PTPRG: variants seen among roughly 807,000 people sequenced by gnomAD.
PTPRG encodes protein tyrosine phosphatase receptor type G.
PTPRG carries 102 observed loss-of-function variants against 165.3 expected under a neutral mutation model. That is an observed-to-expected ratio of 0.62 (90% CI 0.53 to 0.73). The LOEUF (loss-of-function observed/expected upper bound fraction) is 0.73. Ranked by LOEUF, PTPRG falls within the 30% of genes least tolerant of loss-of-function variation. The probability of loss-of-function intolerance (pLI) is 0.00; values close to 1 mark genes in which losing one functional copy is unlikely to be tolerated. For synonymous variants in PTPRG, 675 were observed against 669.5 expected (o/e 1.01, Z -0.13); for missense variants, 1,866 against 1,861.4 (o/e 1.00, Z -0.05).
intron 5 of PTPRG, among the ~76,000 whole-genome samples, chr3:62,112,679 A>C (rs551156783): frequency 3.9e-5 from 6 of 152,334 alleles, no homozygotes; most frequent in Non-Finnish European, 7.4e-5. Context: ...CAGGGACTGC[A>C]GTCATTTTTG....
At chr3:61,738,808 C>T (rs1457319077) in intron 1 of PTPRG, among the ~76,000 whole-genome samples, 5 of 144,062 alleles carry the variant, frequency 3.5e-5, no homozygotes, top group African/African-American at 1.0e-4. Flanking sequence ...AAGGTCTTGC[C>T]CTGTTGCCCA....
At position 62,281,538 on chromosome 3, in the gene PTPRG, C is replaced by CTTTTTTTTTTTTGTTTTTTTTTTTT; in HGVS notation, c.3766-13_3766-12insGTTTTTTTTTTTTTTTTTTTTTTTT. 3.2e-6 allele frequency: 2 copies of CTTTTTTTTTTTTGTTTTTTTTTTTT among 620,524 alleles called. 1 individual carries two copies. The highest frequency in any genetic ancestry group is 4.2e-6 in the Non-Finnish European group (2 of 478,292). 38.4% of individuals were successfully genotyped at this position (620,524 alleles called of 1,614,324 possible). A position where few individuals can be genotyped will look rare whatever the true frequency, so the allele number is the denominator to read the frequency against. On this transcript the variant is annotated intron_variant, in intron 26 of 29. Transcript: ENST00000474889. ...CAAATCCTTGACAGAACTGCAGAGG[C>CTTTTTTTTTTTTGTTTTTTTTTTTT]TTTTTTTTTTTTTGGATTCCAAAGG...
intron 1 of PTPRG, among the ~76,000 whole-genome samples, chr3:61,657,837 CTTTG>C (rs1702549680): frequency 1.3e-5 from 2 of 152,174 alleles, no homozygotes; most frequent in African/African-American, 2.4e-5. Flanking sequence ...AGCTGGTTCT[CTTTG>C]TCCTTAAGTT....
At chr3:61,589,206 C>T (rs894593559) in intron 1 of PTPRG, among the ~76,000 whole-genome samples, 2 of 151,998 alleles carry the variant, frequency 1.3e-5, no homozygotes, top group Non-Finnish European at 1.5e-5. Flanking sequence ...TTGAAATAGC[C>T]GTATCTGTTT....
intron 2 of PTPRG, among the ~76,000 whole-genome samples, chr3:61,884,348 G>T (rs1206279970): frequency 2.0e-5 from 3 of 152,170 alleles, no homozygotes; most frequent in Non-Finnish European, 4.4e-5. Flanking sequence ...AAGATTATAA[G>T]GTTATCTGAG....
chr3:61,934,890 C>G (rs1159361963), intron 2 of PTPRG, among the ~76,000 whole-genome samples: 1 of 152,162 alleles, frequency 6.6e-6, no homozygotes, highest in South Asian at 2.1e-4. Context: ...CCCTGGTGCT[C>G]AAATCAGTGG....
chr3:61,735,495 G>C (rs937476783), intron 1 of PTPRG, among the ~76,000 whole-genome samples: 5 of 151,150 alleles, frequency 3.3e-5, no homozygotes, highest in Non-Finnish European at 7.4e-5. Context: ...ACATTAAAGT[G>C]GTTGCCTGGG....
In PTPRG at chr3:61,985,286, G is replaced by A. The variant is rs1035752279; in HGVS notation, c.191-4339G>A. On this transcript the variant is annotated intron_variant, in intron 2 of 29. Coordinates refer to ENST00000474889, the MANE Select transcript of PTPRG (RefSeq NM_002841.4). ...TCACCGCCACCATAAGTTCCCTCCT[G>A]GGGAGGTGGGGCCCCTCCTCTCCCT... Among the ~76,000 whole-genome samples the A allele has an allele frequency of 3.9e-5, 6 of 152,158 alleles. No individual in the cohort carries two copies. In the East Asian group the frequency reaches 5.8e-4, roughly 15 times the overall value.
In PTPRG at chr3:62,191,273, C is replaced by T. The variant is rs191053297; in HGVS notation, c.1034-196C>T. 1.5e-4 allele frequency among the ~76,000 whole-genome samples: 22 copies of T among 150,138 alleles called. No homozygotes were observed. The East Asian group carries it at 2.7e-3, about 18-fold the overall frequency. ...TGTGTGTGCATCTGTGTCCCGTGCA[C>T]GTGTGTGTGAGAGAGAGGGAGAACA... On this transcript the variant is annotated intron_variant, in intron 8 of 29. Transcript: ENST00000474889.
At chr3:61,643,625 C>A (rs1575559280) in intron 1 of PTPRG, among the ~76,000 whole-genome samples, 1 of 151,990 alleles carries the variant, frequency 6.6e-6, no homozygotes, top group East Asian at 1.9e-4. Flanking sequence ...ACTAAAAATA[C>A]AAAAATTAGC....
intron 3 of PTPRG, among the ~76,000 whole-genome samples, chr3:61,996,677 ATTCT>A (rs2041047502): frequency 6.6e-6 from 1 of 152,152 alleles, no homozygotes; most frequent in South Asian, 2.1e-4. Context: ...TTTAAAATCC[ATTCT>A]TTATTTGGGG....
intron 8 of PTPRG, among the ~76,000 whole-genome samples, chr3:62,186,889 G>T (rs1156447062): frequency 6.6e-6 from 1 of 152,170 alleles, no homozygotes; most frequent in Non-Finnish European, 1.5e-5. Flanking sequence ...CTTTAAGGGG[G>T]CTGGGGTGGG....
intron 5 of PTPRG, among the ~76,000 whole-genome samples, chr3:62,091,279 T>C (rs982084924): frequency 6.6e-6 from 1 of 152,222 alleles, no homozygotes; most frequent in African/African-American, 2.4e-5. Context: ...TAACTAGTTG[T>C]TATTGGTGCT....
chr3:61,660,438 C>A (rs372841026), intron 1 of PTPRG, among the ~76,000 whole-genome samples: 2 of 152,288 alleles, frequency 1.3e-5, no homozygotes, highest in African/African-American at 4.8e-5. Context: ...CCAAAGCCCT[C>A]TCTGAACAAG....
intron 1 of PTPRG, among the ~76,000 whole-genome samples, chr3:61,615,966 G>GTTTT (rs1167929146): frequency 6.6e-6 from 1 of 152,106 alleles, no homozygotes; most frequent in Non-Finnish European, 1.5e-5. Context: ...TTGTTTGTTT[G>GTTTT]TTTGAGATGG....
chr3:62,171,988 A>T (rs577702748), intron 8 of PTPRG, among the ~76,000 whole-genome samples: 24 of 152,294 alleles, frequency 1.6e-4, no homozygotes, highest in Admixed American at 1.4e-3. Context: ...TATTCTGCAC[A>T]TTTTATGCAA....
intron 2 of PTPRG, among the ~76,000 whole-genome samples, chr3:61,765,842 G>A (rs944210619): frequency 2.0e-5 from 3 of 152,272 alleles, no homozygotes; most frequent in East Asian, 1.9e-4. Context: ...TTATCTACAC[G>A]TGTTATGGTG....
In PTPRG at chr3:61,827,653, C is replaced by CAT. The variant is rs144940270; in HGVS notation, c.190+78682_190+78683dup. Among the ~76,000 whole-genome samples the CAT allele has an allele frequency of 4.0e-3, 605 of 151,858 alleles. 5 individuals carry two copies. Among genetic ancestry groups the CAT allele is most frequent in the African/African-American group, 0.013 (559 of 41,430 alleles). ...ATTTTCATATTTATCTGGTTGGAAG[C>CAT]ATATATATATATCTTTCAAATACTG... On this transcript the variant is annotated intron_variant, in intron 2 of 29. Transcript: ENST00000474889.
intron 3 of PTPRG, among the ~76,000 whole-genome samples, chr3:61,995,183 G>T (rs2040998833): frequency 6.9e-6 from 1 of 145,500 alleles, no homozygotes; most frequent in Admixed American, 7.0e-5. Context: ...CCGTCTCCTA[G>T]GTTCAAGTGA....
Sources: allele counts gnomAD v4.1 joint callset (sites outside exome capture counted in the v4.1 genomes callset), GRCh38; gene constraint gnomAD v4.1.1; transcripts MANE v1.5; gene names NCBI Gene and HGNC (gene_info 2026-07-23, HGNC 2026-07-21).